FRMD6: variants seen among roughly 807,000 people sequenced by gnomAD.
FRMD6 encodes the protein FERM domain-containing protein 6.
FRMD6 carries 37 observed loss-of-function variants against 73.2 expected under a neutral mutation model. The ratio of observed to expected loss-of-function variants is 0.51; its 90% CI spans 0.39 to 0.66. FRMD6 has a LOEUF of 0.66. Ranked by LOEUF, FRMD6 falls within the 30% of genes least tolerant of loss-of-function variation. FRMD6 has a pLI of 0.00. For synonymous variants in FRMD6, 273 were observed against 282.2 expected (o/e 0.97, Z 0.33); for missense variants, 714 against 780.5 (o/e 0.91, Z 1.02).
Position 51,642,976 on chromosome 14 carries a change from C to T in FRMD6, c.-146-46715C>T, listed in dbSNP as rs111935727. Among the ~76,000 whole-genome samples, 906 of 152,146 alleles carry T rather than the reference C, an allele frequency of 6.0e-3. 5 individuals carry two copies. Among genetic ancestry groups the T allele is most frequent in the Non-Finnish European group, 8.4e-3 (574 of 68,002 alleles). On this transcript the variant is annotated intron_variant, in intron 2 of 14. Coordinates refer to the FRMD6 transcript ENST00000356218. ...GAGAGAATGGCCTAGGAGAAAGATA[C>T]GGAAAAATCTGTAGGTGGAAAGGAC...
chr14:51,610,739 A>G (rs1307288320), intron 2 of FRMD6, among the ~76,000 whole-genome samples: 2 of 152,204 alleles, frequency 1.3e-5, no homozygotes, highest in Non-Finnish European at 2.9e-5. Context: ...TTCAGTTTTG[A>G]AAAAGTATAT....
the FRMD6 span, among the ~76,000 whole-genome samples, chr14:51,417,271 G>GT: frequency 2.0e-5 from 3 of 152,222 alleles, no homozygotes; most frequent in Admixed American, 6.5e-5. Context: ...AATTTGGCAT[G>GT]TTTTTGCAGT....
the FRMD6 span, among the ~76,000 whole-genome samples, chr14:51,418,932 A>T: frequency 2.6e-5 from 4 of 152,208 alleles, no homozygotes; most frequent in African/African-American, 9.6e-5. Context: ...GGTTGATCTC[A>T]GACTGCTGCG....
At chr14:51,578,673 A>G (rs1469139149) in intron 2 of FRMD6, among the ~76,000 whole-genome samples, 1 of 152,214 alleles carries the variant, frequency 6.6e-6, no homozygotes, top group African/African-American at 2.4e-5. Flanking sequence ...TATGCTGTGT[A>G]CTTTCAGACA....
At chr14:51,616,119 G>A (rs1278161600) in intron 2 of FRMD6, among the ~76,000 whole-genome samples, 1 of 152,178 alleles carries the variant, frequency 6.6e-6, no homozygotes, top group Non-Finnish European at 1.5e-5. Flanking sequence ...CAGCAGGTTG[G>A]GGGTGGATGT....
intron 2 of FRMD6, among the ~76,000 whole-genome samples, chr14:51,606,560 T>C (rs1170800867): frequency 6.6e-6 from 1 of 152,194 alleles, no homozygotes; most frequent in Admixed American, 6.5e-5. Flanking sequence ...GCTCAGTCCA[T>C]GAATTATTTC....
the FRMD6 span, among the ~76,000 whole-genome samples, chr14:51,457,825 G>A: frequency 9.3e-4 from 142 of 152,334 alleles, 1 homozygote; most frequent in African/African-American, 3.3e-3. Context: ...GGCTGTGACG[G>A]TGTGTTTTCA....
chr14:51,680,829 T>G (rs941815190), intron 1 of FRMD6, among the ~76,000 whole-genome samples: 2 of 152,312 alleles, frequency 1.3e-5, no homozygotes. Flanking sequence ...TTTTCTCATT[T>G]TTTACTTTGA....
intron 1 of FRMD6, among the ~76,000 whole-genome samples, chr14:51,496,164 G>A (rs1456810265): frequency 4.6e-5 from 7 of 152,164 alleles, no homozygotes; most frequent in Non-Finnish European, 7.3e-5. Context: ...AGAGGCCCAC[G>A]TCATGAAGAG....
intron 1 of FRMD6, among the ~76,000 whole-genome samples, chr14:51,500,741 T>C (rs969062575): frequency 5.3e-5 from 8 of 152,110 alleles, no homozygotes; most frequent in African/African-American, 1.4e-4. Context: ...ATTATATATA[T>C]GTACATATAT....
chr14:51,571,360 T>A (rs1401292105), intron 2 of FRMD6, among the ~76,000 whole-genome samples: 1 of 152,184 alleles, frequency 6.6e-6, no homozygotes, highest in Non-Finnish European at 1.5e-5. Context: ...TGTGTCGTCC[T>A]TTATGAAGGA....
chr14:51,722,193 C>G, intron 12 of FRMD6, 113 bp downstream of exon 12: 1 of 1,075,472 alleles, frequency 9.3e-7, no homozygotes, highest in Non-Finnish European at 1.4e-6. Context: ...AGAGACTGGA[C>G]TGCACTAAGA....
chr14:51,437,451 CA>C, the FRMD6 span, among the ~76,000 whole-genome samples: 1 of 152,156 alleles, frequency 6.6e-6, no homozygotes, highest in African/African-American at 2.4e-5. Context: ...TACAGGCAAG[CA>C]CCACCACACC....
the FRMD6 span, among the ~76,000 whole-genome samples, chr14:51,467,852 G>A: frequency 4.6e-5 from 7 of 152,214 alleles, no homozygotes; most frequent in African/African-American, 1.4e-4. Context: ...GACGATGGGC[G>A]GCTGGGCAGA....
the FRMD6 span, among the ~76,000 whole-genome samples, chr14:51,426,704 G>A: frequency 6.6e-6 from 1 of 152,184 alleles, no homozygotes; most frequent in African/African-American, 2.4e-5. Context: ...AGAGTGCAGA[G>A]TTTAAGACCC....
At chr14:51,514,880 A>T (rs1223576865) in intron 1 of FRMD6, among the ~76,000 whole-genome samples, 1 of 152,230 alleles carries the variant, frequency 6.6e-6, no homozygotes. Context: ...TATGACGACA[A>T]GAGGAGAAAG....
upstream of FRMD6, among the ~76,000 whole-genome samples, chr14:51,488,050 A>C (rs541708012): frequency 5.3e-5 from 8 of 152,220 alleles, no homozygotes; most frequent in Non-Finnish European, 7.3e-5. Context: ...TTTCTTCTGC[A>C]GTGGCTTTAT....
At chr14:51,543,709 T>C (rs1886318613) in intron 1 of FRMD6, among the ~76,000 whole-genome samples, 1 of 152,038 alleles carries the variant, frequency 6.6e-6, no homozygotes, top group African/African-American at 2.4e-5. Flanking sequence ...TAAAGTGCTG[T>C]GAGATCACAA....
chr14:51,618,778 A>G (rs911872590), intron 2 of FRMD6, among the ~76,000 whole-genome samples: 3 of 152,144 alleles, frequency 2.0e-5, no homozygotes, highest in Non-Finnish European at 4.4e-5. Context: ...TTTCAGAATC[A>G]TTCAATTGAA....
Sources: gnomAD v4.1 joint callset for allele counts (sites outside exome capture counted in the v4.1 genomes callset) on GRCh38, gnomAD v4.1.1 for gene constraint, MANE v1.5 for transcripts, NCBI Gene and HGNC (gene_info 2026-07-23, HGNC 2026-07-21) for gene names.